Variants in C10orf53 observed in about 807,000 individuals in gnomAD.
C10orf53 encodes the protein chromosome 10 open reading frame 53.
A neutral mutation model predicts 9.4 loss-of-function variants in C10orf53; 8 were observed. That is an observed-to-expected ratio of 0.85 (90% confidence interval 0.50 to 1.53). The LOEUF (loss-of-function observed/expected upper bound fraction) is 1.53. Among genes scored for constraint, C10orf53 ranks in the 40% most tolerant of loss-of-function variants. The pLI, the probability that C10orf53 is intolerant of heterozygous loss-of-function variation, is 0.00. For synonymous variants in C10orf53, 48 were observed against 46.0 expected (o/e 1.04, Z -0.18); for missense variants, 117 against 117.8 (o/e 0.99, Z 0.03).
In C10orf53 at chr10:49,679,810, G is replaced by A. The variant is rs1000925449; in HGVS notation, c.97+16G>A. On this transcript the variant is annotated intron_variant, in intron 1 of 2. Coordinates refer to ENST00000374111, the MANE Select transcript of C10orf53 (RefSeq NM_001042427.3). ...GGCCTGCAAGGTGGGCCTCCTCGCCGCGTGCGCCCCTGAGGGCCCCAGCCT... is the reference window on the plus strand; with the variant it reads ...GGCCTGCAAGGTGGGCCTCCTCGCCACGTGCGCCCCTGAGGGCCCCAGCCT... 8 of 1,526,132 alleles carry A rather than the reference G, an allele frequency of 5.2e-6. No homozygotes were observed. The highest frequency in any genetic ancestry group is 1.4e-5 in the African/African-American group (1 of 71,550). 94.5% of individuals were successfully genotyped at this position (1,526,132 alleles called of 1,614,324 possible).
chr10:49,699,894 T>TC (rs56948641), downstream of C10orf53, among the ~76,000 whole-genome samples: 76,976 of 151,346 alleles, frequency 0.51, 19,714 homozygotes, highest in Middle Eastern at 0.54. Context: ...GCAGAGCTCA[T>TC]CCCCCCCGAG....
chr10:49,681,151 C>G (rs1840475767), intron 1 of C10orf53, among the ~76,000 whole-genome samples: 1 of 152,186 alleles, frequency 6.6e-6, no homozygotes, highest in Non-Finnish European at 1.5e-5. Flanking sequence ...AGTCAAGGAG[C>G]ATCTGAATTA....
At chr10:49,687,324 A>G (rs1436910433) in intron 1 of C10orf53, among the ~76,000 whole-genome samples, 1 of 152,234 alleles carries the variant, frequency 6.6e-6, no homozygotes, top group Non-Finnish European at 1.5e-5. Flanking sequence ...TACACAACTT[A>G]TCAGTATTGG....
At chr10:49,703,179 G>A (rs536228138) in intron 2 of C10orf53, among the ~76,000 whole-genome samples, 147 of 152,074 alleles carry the variant, frequency 9.7e-4, no homozygotes, top group Admixed American at 2.1e-3. Context: ...TGGTTTCACC[G>A]GATAGTAGAT....
downstream of C10orf53, among the ~76,000 whole-genome samples, chr10:49,699,190 CTTTTTTTTTTT>C (rs67695235): frequency 1.5e-5 from 1 of 64,870 alleles, no homozygotes; most frequent in Admixed American, 2.8e-4. Context: ...GTGGCTCAAT[CTTTTTTTTTTT>C]TTTTTTTTTT....
chr10:49,693,743 T>C, intron 1 of C10orf53, 31 bp from the exon 2 acceptor site: 1 of 1,607,674 alleles, frequency 6.2e-7, no homozygotes, highest in Non-Finnish European at 8.5e-7. Flanking sequence ...TCTGACCCCA[T>C]GTCACTCACC....
intron 1 of C10orf53, among the ~76,000 whole-genome samples, chr10:49,691,550 T>C (rs546619291): frequency 4.8e-4 from 73 of 152,324 alleles, no homozygotes; most frequent in African/African-American, 1.6e-3. Context: ...AAGAGTGGTG[T>C]GTCTCTTAAG....
intron 1 of C10orf53, among the ~76,000 whole-genome samples, chr10:49,682,223 C>T (rs994147496): frequency 5.3e-5 from 8 of 152,196 alleles, no homozygotes; most frequent in Non-Finnish European, 8.8e-5. Flanking sequence ...ACACCCCAGA[C>T]AGAAACTGTA....
chr10:49,688,124 G>A (rs1840546306), intron 1 of C10orf53, among the ~76,000 whole-genome samples: 1 of 151,998 alleles, frequency 6.6e-6, no homozygotes, highest in African/African-American at 2.4e-5. Flanking sequence ...TGTTGAGTAG[G>A]CATCTCAGAC....
chr10:49,691,810 G>T (rs4143816), intron 1 of C10orf53, among the ~76,000 whole-genome samples: 61,442 of 152,114 alleles, frequency 0.4, 14,190 homozygotes, highest in Non-Finnish European at 0.51. Context: ...CACCCGTAGG[G>T]CTGCTCCTTG....
In C10orf53 at chr10:49,679,756, C is replaced by G. The variant is rs1178365433; in HGVS notation, c.59C>G (p.Pro20Arg). 2 of 1,546,200 alleles carry G rather than the reference C, an allele frequency of 1.3e-6. No individual in the cohort carries two copies. Among genetic ancestry groups the G allele is most frequent in the Non-Finnish European group, 1.7e-6 (2 of 1,145,634 alleles). ...GGGCCCTACAGCGCGGCAGGCCTAC[C>G]GGTGGAGCACCACACCTTCCGCCTG... Reference protein sequence around the residue: ...RYGPYSAAGLPVEHHTFRLQG... With the variant: ...RYGPYSAAGLRVEHHTFRLQG... Residue 20 changes from proline to arginine, a missense_variant, in exon 1 of 3, where the codon CCG becomes CGG. Physicochemically the swap from Pro to Arg is moderately radical, Grantham distance 103 (BLOSUM62 -2). Transcript: ENST00000374111.
exon 3 of C10orf53, chr10:49,708,844 C>A: frequency 1.6e-6 from 1 of 610,432 alleles, no homozygotes; most frequent in Non-Finnish European, 2.8e-6. Context: ...AAGTTATGAT[C>A]GATGAACTAC....
At position 49,694,906 on chromosome 10, in the gene C10orf53, G is replaced by A. The variant is rs1404808717; in HGVS notation, c.*304G>A. The A allele has an allele frequency of 1.7e-6, 2 of 1,148,292 alleles. No homozygotes were observed. Among genetic ancestry groups the A allele is most frequent in the South Asian group, 3.3e-5 (1 of 30,572 alleles). 71.1% of individuals were successfully genotyped at this position (1,148,292 alleles called of 1,614,324 possible). On this transcript the variant is annotated 3_prime_UTR_variant, in exon 3 of 3. Coordinates refer to ENST00000374111, the MANE Select transcript of C10orf53 (RefSeq NM_001042427.3). The stretch of plus-strand genomic sequence containing the variant: ...ACAATAAAATGCAATCAAATAACAA[G>A]GTGCCATTCCTGACTAATAACACAT...
At chr10:49,688,946 C>G (rs899272514) in intron 1 of C10orf53, among the ~76,000 whole-genome samples, 3 of 152,176 alleles carry the variant, frequency 2.0e-5, no homozygotes, top group African/African-American at 7.2e-5. Flanking sequence ...TACCTCAGCA[C>G]GCACTCACCT....
chr10:49,696,459 T>C lies in C10orf53; in HGVS notation c.*1857T>C, dbSNP rs972111330. On this transcript the variant is annotated 3_prime_UTR_variant, in exon 3 of 3. Transcript: ENST00000374111. ...CCCTGCAACCCCGGCATTAAACTGG[T>C]AACAAGTGCTTCCCTCGGCAGCCCC... Among the ~76,000 whole-genome samples the C allele has an allele frequency of 6.6e-6, 1 of 152,186 alleles. No individual in the cohort carries two copies. The highest frequency in any genetic ancestry group is 2.4e-5 in the African/African-American group (1 of 41,436).
chr10:49,697,942 C>T (rs548259904), downstream of C10orf53, among the ~76,000 whole-genome samples: 1 of 152,292 alleles, frequency 6.6e-6, no homozygotes, highest in African/African-American at 2.4e-5. Flanking sequence ...CCTTCCTGGG[C>T]TCCTCCCTGG....
chr10:49,681,131 C>A (rs997743378), intron 1 of C10orf53, among the ~76,000 whole-genome samples: 5 of 152,162 alleles, frequency 3.3e-5, no homozygotes, highest in Non-Finnish European at 7.4e-5. Flanking sequence ...TGGGACCTAG[C>A]CCCATCATAA....
At chr10:49,687,173 T>C (rs1840536665) in intron 1 of C10orf53, among the ~76,000 whole-genome samples, 1 of 152,260 alleles carries the variant, frequency 6.6e-6, no homozygotes, top group Non-Finnish European at 1.5e-5. Context: ...AATGGGAGTT[T>C]GGAGCTGTCT....
chr10:49,690,496 C>T (rs1840573065), intron 1 of C10orf53, among the ~76,000 whole-genome samples: 1 of 152,166 alleles, frequency 6.6e-6, no homozygotes, highest in East Asian at 1.9e-4. Flanking sequence ...TAGAAATAGG[C>T]CTGATCTTTT....
Sources: gnomAD v4.1 joint callset for allele counts (sites outside exome capture counted in the v4.1 genomes callset) on GRCh38, gnomAD v4.1.1 for gene constraint, MANE v1.5 for transcripts, NCBI Gene and HGNC (gene_info 2026-07-23, HGNC 2026-07-21) for gene names.